The following ZNF43 variants were observed in gnomAD, a reference collection of about 807,000 sequenced individuals.
The protein encoded by ZNF43 is zinc finger protein 43.
A neutral mutation model predicts 68.4 loss-of-function variants in ZNF43; 44 were observed. The ratio of observed to expected loss-of-function variants is 0.64; its 90% CI spans 0.51 to 0.83. The LOEUF (loss-of-function observed/expected upper bound fraction) is 0.83, where lower values mean the gene tolerates loss of function less well. ZNF43 is among the 40% of genes least tolerant of loss of function. ZNF43 has a pLI of 0.00. For synonymous variants in ZNF43, 308 were observed against 307.8 expected, an observed-to-expected ratio of 1.00 and a Z score of -0.01; for missense variants, 896 against 933.2, an observed-to-expected ratio of 0.96 and a Z score of 0.52.
chr19:21,809,585 C>G lies in ZNF43; in HGVS notation c.452G>C (p.Cys151Ser), dbSNP rs774001944. ...TQSKIFLFDK[C>S]VKAFHKFSNS... Reference sequence around the variant, plus strand: ...TGAAAATTTATGAAAGGCTTTCACACATTTATCAAATAGAAATATTTTGCT... The same window carrying G: ...TGAAAATTTATGAAAGGCTTTCACAGATTTATCAAATAGAAATATTTTGCT... Residue 151 changes from cysteine (C) to serine (S), a missense_variant, in exon 4 of 4, where the codon TGT becomes TCT. Transcript: ENST00000354959. The G allele has an allele frequency of 6.2e-7, 1 of 1,611,586 alleles. No homozygotes were observed. Among genetic ancestry groups the G allele is most frequent in the South Asian group, 1.1e-5 (1 of 90,806 alleles).
At position 21,808,750 on chromosome 19, in the gene ZNF43, T is replaced by C. The variant is rs1318216272; in HGVS notation, c.1287A>G (p.Glu429=). Residue 429 remains glutamate, a synonymous_variant, in exon 4 of 4, where the codon GAA becomes GAG. Coordinates refer to ENST00000354959, the MANE Select transcript of ZNF43 (RefSeq NM_003423.4). The stretch of plus-strand genomic sequence containing the variant: ...GCCAGTTAAAGGCTTTGCCACATTC[T>C]TCACATTTGTAGGGTTTCTCTCCAG... ...THTGEKPYKC[E]ECGKAFNWPS... is the part of the protein sequence containing the mutation. 1.2e-6 allele frequency: 2 copies of C among 1,612,792 alleles called. No homozygotes were observed. The highest frequency in any genetic ancestry group is 2.2e-5 in the East Asian group (1 of 44,774).
intron 1 of ZNF43, among the ~76,000 whole-genome samples, chr19:21,849,378 C>T (rs1250488160): frequency 1.3e-5 from 2 of 150,324 alleles, no homozygotes; most frequent in Non-Finnish European, 2.9e-5. Flanking sequence ...ATCCCAGCTA[C>T]TCAGGAGACT....
chr19:21,819,019 C>CA (rs961208662), intron 2 of ZNF43, 76 bp downstream of exon 2: 77 of 1,527,402 alleles, frequency 5.0e-5, no homozygotes, highest in Non-Finnish European at 6.2e-5. Flanking sequence ...TATAAATTAC[C>CA]AAAAAAACAG....
upstream of ZNF43, chr19:21,840,487 A>G (rs1313445613): frequency 6.6e-6 from 1 of 152,218 alleles, no homozygotes; most frequent in Non-Finnish European, 1.5e-5. Context: ...TGAGAGCCTC[A>G]ATCTTTGCCG....
Position 21,806,862 on chromosome 19 carries a change from C to T in ZNF43, c.*745G>A, listed in dbSNP as rs1297576131. ...GTGAATTCTCAGATATTTACATAAA[C>T]TTAATTTCGGATTAAATTTTTTTCA... On this transcript the variant is annotated 3_prime_UTR_variant, in exon 4 of 4. Coordinates refer to ENST00000354959, the MANE Select transcript of ZNF43 (RefSeq NM_003423.4). The T allele has an allele frequency of 1.3e-5, 2 of 152,176 alleles. No individual in the cohort carries two copies. Among genetic ancestry groups the T allele is most frequent in the African/African-American group, 4.8e-5 (2 of 41,440 alleles). The allele number at this position is 152,176 out of a possible 1,614,324, so 9.4% of individuals were successfully genotyped here. A position where few individuals can be genotyped will look rare whatever the true frequency, so the allele number is the denominator to read the frequency against.
intron 1 of ZNF43, chr19:21,827,060 T>C (rs1410300928): frequency 6.6e-6 from 1 of 151,640 alleles, no homozygotes. Context: ...AGATGAAAGA[T>C]TGATCAAGTC....
chr19:21,820,269 A>ATATATATTAATATATTTTATATATAT (rs1196395537), intron 1 of ZNF43, among the ~76,000 whole-genome samples: 2 of 52,002 alleles, frequency 3.8e-5, no homozygotes, highest in African/African-American at 1.6e-4. Context: ...ATATATACAC[A>ATATATATTAATATATTTTATATATAT]CACATATACA....
chr19:21,842,344 G>T (rs1967598496), intron 1 of ZNF43, among the ~76,000 whole-genome samples: 1 of 151,202 alleles, frequency 6.6e-6, no homozygotes, highest in Admixed American at 6.6e-5. Flanking sequence ...GGGAGGCAGA[G>T]GTTGCAGTGA....
chr19:21,824,099 T>A (rs1568366412), intron 1 of ZNF43, among the ~76,000 whole-genome samples: 1 of 151,950 alleles, frequency 6.6e-6, no homozygotes. Context: ...TGAGGGAGAA[T>A]GACATGAACC....
chr19:21,837,060 G>A (rs1967154412), upstream of ZNF43, among the ~76,000 whole-genome samples: 1 of 152,140 alleles, frequency 6.6e-6, no homozygotes, highest in South Asian at 2.1e-4. Flanking sequence ...TAGATCTCCT[G>A]ACTTTAAGTT....
intron 1 of ZNF43, among the ~76,000 whole-genome samples, chr19:21,844,921 AATATATAT>A (rs1181354510): frequency 1.0e-3 from 26 of 26,036 alleles, no homozygotes; most frequent in African/African-American, 3.3e-3. Flanking sequence ...AAAAAAAAAA[AATATATAT>A]ATATATATAT....
At chr19:21,844,197 A>C (rs969383335) in intron 1 of ZNF43, among the ~76,000 whole-genome samples, 5 of 151,842 alleles carry the variant, frequency 3.3e-5, no homozygotes, top group African/African-American at 1.2e-4. Flanking sequence ...GTAAAACCTT[A>C]TCTCTACTAA....
In ZNF43 at chr19:21,808,078, T is replaced by C. The variant is rs762176478; in HGVS notation, c.1959A>G (p.Glu653=). Residue 653 remains glutamate (E), a synonymous_variant, in exon 4 of 4, where the codon GAA becomes GAG. Coordinates refer to ENST00000354959, the MANE Select transcript of ZNF43 (RefSeq NM_003423.4). Reference sequence around the variant, plus strand: ...ACCACTTAAAGGCTTTGCCACATTCTTCACATTTGTAGGGTTTCTCCTCAG... The same window carrying C: ...ACCACTTAAAGGCTTTGCCACATTCCTCACATTTGTAGGGTTTCTCCTCAG... ...IHTEEKPYKC[E]ECGKAFKWSS... 2 of 1,613,004 alleles carry C rather than the reference T, an allele frequency of 1.2e-6. No homozygotes were observed. Among genetic ancestry groups the C allele is most frequent in the Non-Finnish European group, 1.7e-6 (2 of 1,179,860 alleles).
chr19:21,811,911 A>G, intron 3 of ZNF43: 1 of 390,798 alleles, frequency 2.6e-6, no homozygotes. Flanking sequence ...ATATGGAAAA[A>G]AGACATGACA....
chr19:21,819,002 T>C, intron 2 of ZNF43, 93 bp downstream of exon 2: 1 of 1,487,602 alleles, frequency 6.7e-7, no homozygotes, highest in Non-Finnish European at 9.0e-7. Context: ...AACTCATGAA[T>C]GCAAAGTATA....
At chr19:21,812,018 G>A (rs140938193) in intron 3 of ZNF43, 11,189 of 398,280 alleles carry the variant, frequency 0.028, 209 homozygotes, top group Non-Finnish European at 0.039. Context: ...CGAAATTACT[G>A]TACATCAAAG....
rs1246390414 is a variant in ZNF43, at chr19:21,808,571, T to C, written c.1466A>G (p.Lys489Arg). ...EKPYKCEECG[K>R]AFSRSSNLTK... ...AAGGTTTGAGGACCGGCTAAAAGCT[T>C]TGCCACATTCTTCACATTTGTACGG... Residue 489 changes from lysine (K) to arginine (R), a missense_variant, in exon 4 of 4, where the codon AAA (lysine) becomes AGA (arginine). Physicochemically the swap from Lys to Arg is conservative, Grantham distance 26. Transcript: ENST00000354959. 19 of 1,613,470 alleles carry C rather than the reference T, an allele frequency of 1.2e-5. No individual in the cohort carries two copies. The highest frequency in any genetic ancestry group is 1.6e-5 in the Non-Finnish European group (19 of 1,179,840).
intron 1 of ZNF43, among the ~76,000 whole-genome samples, chr19:21,829,158 A>C (rs1286716504): frequency 2.0e-5 from 3 of 151,214 alleles, no homozygotes; most frequent in African/African-American, 7.3e-5. Flanking sequence ...CATGAGGCAG[A>C]GGTCACAGTG....
intron 1 of ZNF43, among the ~76,000 whole-genome samples, chr19:21,834,941 T>TAAA (rs35243760): frequency 0.011 from 1,421 of 132,102 alleles, 38 homozygotes; most frequent in African/African-American, 0.035. Flanking sequence ...AAATGTACAC[T>TAAA]AAAAAAAAAA....
Sources: allele counts gnomAD v4.1 joint callset (sites outside exome capture counted in the v4.1 genomes callset), GRCh38; gene constraint gnomAD v4.1.1; transcripts MANE v1.5; gene names NCBI Gene and HGNC (gene_info 2026-07-23, HGNC 2026-07-21).